Variants in CA12 observed in about 807,000 individuals in gnomAD.
CA12 encodes carbonate dehydratase XII.
In CA12, 36 loss-of-function variants were observed where a neutral mutation model predicts 46.8. The ratio of observed to expected loss-of-function variants is 0.77; its 90% CI spans 0.59 to 1.02. CA12 has a LOEUF of 1.02. CA12 is among the 50% of genes least tolerant of loss of function. The probability of loss-of-function intolerance (pLI) is 0.00; values close to 1 mark genes in which losing one functional copy is unlikely to be tolerated. For missense variants in CA12, 436 were observed against 451.4 expected, an observed-to-expected ratio of 0.97 and a Z score of 0.31; for synonymous variants, 202 against 187.0, an observed-to-expected ratio of 1.08 and a Z score of -0.65.
In CA12 at chr15:63,326,311, T is replaced by C. The variant is rs1376214729; in HGVS notation, c.1039A>G (p.Lys347Glu). ...CAAGCGTGGGCCTCAGTCTCCATCTTGGTGGCTGGCTTGTAAATGACTCCC... is the reference window on the plus strand; with the variant it reads ...CAAGCGTGGGCCTCAGTCTCCATCTCGGTGGCTGGCTTGTAAATGACTCCC... ...NKGVIYKPATKMETEAHA is the reference protein window; with the variant it reads ...NKGVIYKPATEMETEAHA The change falls in exon 11 of 11, where the codon AAG becomes GAG. Residue 347 changes from lysine to glutamate, a missense_variant. Physicochemically the swap from Lys to Glu is moderately conservative, Grantham distance 56. Transcript: ENST00000178638. The C allele has an allele frequency of 6.2e-7, 1 of 1,614,128 alleles. No individual in the cohort carries two copies. Among genetic ancestry groups the C allele is most frequent in the Non-Finnish European group, 8.5e-7 (1 of 1,179,980 alleles).
chr15:63,348,897 G>A lies in CA12; in HGVS notation c.107-2188C>T, dbSNP rs982419830. ...AGAGGGCTTGGGAAAATGTGACTTG[G>A]GGAATGTTTCCTTTTTCTCTTGCTC... On this transcript the variant is annotated intron_variant, in intron 2 of 10. Coordinates refer to ENST00000178638, the MANE Select transcript of CA12 (RefSeq NM_001218.5). The surrounding 1 kb of genome is among the most constrained non-coding windows in gnomAD (Gnocchi z 4.6). Among the ~76,000 whole-genome samples, 6 of 152,208 alleles carry A rather than the reference G, an allele frequency of 3.9e-5. No individual in the cohort carries two copies. Among genetic ancestry groups the A allele is most frequent in the African/African-American group, 1.4e-4 (6 of 41,446 alleles).
At position 63,326,071 on chromosome 15, in the gene CA12, G is replaced by A; in HGVS notation, c.*214C>T. The stretch of plus-strand genomic sequence containing the variant: ...AAGCAGCTTTGAATTCCTGCTGCTT[G>A]GTCTGAGAGTGCATCCCATCCATCG... On this transcript the variant is annotated 3_prime_UTR_variant, in exon 11 of 11. Coordinates refer to ENST00000178638, the MANE Select transcript of CA12 (RefSeq NM_001218.5). 1 of 578,298 alleles carries A rather than the reference G, an allele frequency of 1.7e-6. No homozygotes were observed. The highest frequency in any genetic ancestry group is 3.1e-6 in the Non-Finnish European group (1 of 320,034). The allele number at this position is 578,298 out of a possible 1,614,324, so 35.8% of individuals were successfully genotyped here.
rs1424857841 is a variant in CA12 at position 63,345,558 on chromosome 15, C to T, written c.348G>A (p.Thr116=). The T allele has an allele frequency of 6.8e-6, 11 of 1,613,348 alleles. No homozygotes were observed. Among genetic ancestry groups the T allele is most frequent in the African/African-American group, 2.7e-5 (2 of 74,948 alleles). ...GGTTCCCCCAGTGCAGGTGCAGCTGCGTGGCACTGTAGCGAGACTGGAGGC... is the reference window on the plus strand; with the variant it reads ...GGTTCCCCCAGTGCAGGTGCAGCTGTGTGGCACTGTAGCGAGACTGGAGGC... ...IQGLQSRYSA[T]QLHLHWGNPN... The change falls in exon 4 of 11, where the codon ACG becomes ACA. Residue 116 remains threonine (T), a synonymous_variant. Coordinates refer to ENST00000178638, the MANE Select transcript of CA12 (RefSeq NM_001218.5). The surrounding 1 kb of genome is among the most constrained non-coding windows in gnomAD (Gnocchi z 4.3).
intron 2 of CA12, among the ~76,000 whole-genome samples, chr15:63,352,445 A>G (rs2039244817): frequency 1.3e-5 from 2 of 152,248 alleles, no homozygotes; most frequent in African/African-American, 4.8e-5. Context: ...GACAGAAGAA[A>G]GAGGGGCTCA....
At position 63,381,796 on chromosome 15, in the gene CA12, C is replaced by T. The variant is rs955070341; in HGVS notation, c.-76G>A. 5.0e-6 allele frequency: 5 copies of T among 992,656 alleles called. No homozygotes were observed. Among genetic ancestry groups the T allele is most frequent in the Non-Finnish European group, 6.9e-6 (5 of 720,752 alleles). The allele number at this position is 992,656 out of a possible 1,614,324, so 61.5% of individuals were successfully genotyped here. A position where few individuals can be genotyped will look rare whatever the true frequency, so the allele number is the denominator to read the frequency against. On this transcript the variant is annotated 5_prime_UTR_variant, in exon 1 of 11. Coordinates refer to ENST00000178638, the MANE Select transcript of CA12 (RefSeq NM_001218.5). Reference sequence around the variant, plus strand: ...GGCCGCTCGCTCTCCAGCTGCACACCGGGACCGCGTGCGCGCAGCCTGGGT... The same window carrying T: ...GGCCGCTCGCTCTCCAGCTGCACACTGGGACCGCGTGCGCGCAGCCTGGGT...
chr15:63,336,865 C>A (rs2039011292), intron 8 of CA12, among the ~76,000 whole-genome samples: 1 of 152,150 alleles, frequency 6.6e-6, no homozygotes, highest in African/African-American at 2.4e-5. Flanking sequence ...ACAGAGCCGG[C>A]AATGGGGTCC....
intron 8 of CA12, among the ~76,000 whole-genome samples, chr15:63,335,105 A>G (rs35341572): frequency 0.12 from 18,965 of 152,202 alleles, 1,635 homozygotes; most frequent in East Asian, 0.45. Flanking sequence ...AGAGTTGGCA[A>G]TGTCTGGAAA....
intron 2 of CA12, among the ~76,000 whole-genome samples, chr15:63,356,565 C>T (rs1274081624): frequency 8.9e-6 from 1 of 112,322 alleles, no homozygotes; most frequent in Non-Finnish European, 1.8e-5. Flanking sequence ...GCTCTGTTGC[C>T]CAAGCTGGAA....
intron 1 of CA12, among the ~76,000 whole-genome samples, chr15:63,376,614 C>A (rs1483080700): frequency 1.4e-5 from 2 of 145,664 alleles, no homozygotes; most frequent in Non-Finnish European, 3.0e-5. Context: ...CTCTCTCTCG[C>A]TCTCTCTCTT....
intron 8 of CA12, among the ~76,000 whole-genome samples, chr15:63,337,058 T>A (rs935748772): frequency 2.0e-5 from 3 of 152,238 alleles, no homozygotes; most frequent in African/African-American, 7.2e-5. Flanking sequence ...TTCCATGCAC[T>A]CAGTTCATTT....
At chr15:63,365,893 C>A (rs1421957272) in intron 2 of CA12, among the ~76,000 whole-genome samples, 1 of 152,152 alleles carries the variant, frequency 6.6e-6, no homozygotes, top group African/African-American at 2.4e-5. Context: ...AATCTCAGCA[C>A]TTTGGGAGGG....
Position 63,340,437 on chromosome 15 carries a change from C to T in CA12, c.598G>A (p.Ala200Thr), listed in dbSNP as rs1354521569. 6.2e-7 allele frequency: 1 copy of T among 1,614,150 alleles called. No individual in the cohort carries two copies. The highest frequency in any genetic ancestry group is 8.5e-7 in the Non-Finnish European group (1 of 1,180,002). The change falls in exon 7 of 11, where the codon GCA becomes ACA. Residue 200 changes from alanine to threonine, a missense_variant. By Grantham distance (58) the Ala-to-Thr change is moderately conservative. Transcript: ENST00000178638. The surrounding 1 kb of genome is among the most constrained non-coding windows in gnomAD (Gnocchi z 4.4). The part of the protein sequence containing the change: ...LQHVKYKGQE[A>T]FVPGFNIEEL... ...TCAATGTTGAATCCCGGGACGAATG[C>T]TTCCTGGCCTAGAGAGACATGTTGC...
rs1273686995 is a variant in CA12 at position 63,325,376 on chromosome 15, T to C, written c.*909A>G. On this transcript the variant is annotated 3_prime_UTR_variant, in exon 11 of 11. Transcript: ENST00000178638. This position sits in a 1 kb window ranked among gnomAD's most constrained non-coding sequence, Gnocchi z 4.9. The stretch of plus-strand genomic sequence containing the variant: ...TCCTCCAGGACACAGCAACAACACA[T>C]TTTCAAGGAACAGCCTCATTATTTG... 6.6e-6 allele frequency: 1 copy of C among 152,210 alleles called. No individual in the cohort carries two copies. Among genetic ancestry groups the C allele is most frequent in the Non-Finnish European group, 1.5e-5 (1 of 68,034 alleles). The allele number at this position is 152,210 out of a possible 1,614,324, so 9.4% of individuals were successfully genotyped here.
intron 1 of CA12, among the ~76,000 whole-genome samples, 178 bp downstream of exon 1, chr15:63,381,458 C>T (rs1324434884): frequency 6.6e-6 from 1 of 152,262 alleles, no homozygotes; most frequent in African/African-American, 2.4e-5. Flanking sequence ...AAGCAACGTG[C>T]TTCCCGACCC....
chr15:63,332,128 T>C (rs2038945256), intron 8 of CA12, among the ~76,000 whole-genome samples: 2 of 152,282 alleles, frequency 1.3e-5, no homozygotes, highest in South Asian at 4.1e-4. Flanking sequence ...CAAAATCTGT[T>C]AGGAAGGTAA....
rs905955148 is a variant in CA12, at chr15:63,321,805, C to G, written c.*4480G>C. The stretch of plus-strand genomic sequence containing the variant: ...GCCTGCCACCCGAGCGCCATTCACT[C>G]CCGACCGCGGGGACCTGGGGCACAG... On this transcript the variant is annotated 3_prime_UTR_variant, in exon 11 of 11. Transcript: ENST00000178638. The surrounding 1 kb of genome is among the most constrained non-coding windows in gnomAD (Gnocchi z 4.5). 1 of 152,362 alleles carries G rather than the reference C, an allele frequency of 6.6e-6. No homozygotes were observed. Among genetic ancestry groups the G allele is most frequent in the African/African-American group, 2.4e-5 (1 of 41,466 alleles). The allele number at this position is 152,362 out of a possible 1,614,324, so 9.4% of individuals were successfully genotyped here. A position where few individuals can be genotyped will look rare whatever the true frequency, so the allele number is the denominator to read the frequency against.
intron 4 of CA12, among the ~76,000 whole-genome samples, chr15:63,344,411 T>C (rs2039119294): frequency 6.6e-6 from 1 of 152,258 alleles, no homozygotes; most frequent in Admixed American, 6.5e-5. Context: ...TCTAAATGGA[T>C]TGAGTCTCAG....
chr15:63,376,598 CTT>C (rs775476332), intron 1 of CA12, among the ~76,000 whole-genome samples: 56 of 87,316 alleles, frequency 6.4e-4, no homozygotes, highest in Middle Eastern at 5.3e-3. Context: ...TTCTTTCTTT[CTT>C]TCTCTCTCTC....
Position 63,328,225 on chromosome 15 carries a change from C to G in CA12, c.875-95G>C. ...AGAGACGCTCTACCATTTGTTTGGT[C>G]TTAGGCTGACAGACCTCTAGGGATG... On this transcript the variant is annotated intron_variant, in intron 8 of 10. Transcript: ENST00000178638. The surrounding 1 kb of genome is among the most constrained non-coding windows in gnomAD (Gnocchi z 5.9). 2 of 1,159,552 alleles carry G rather than the reference C, an allele frequency of 1.7e-6. No homozygotes were observed. Among genetic ancestry groups the G allele is most frequent in the South Asian group, 2.5e-5 (2 of 79,730 alleles). 71.8% of individuals were successfully genotyped at this position (1,159,552 alleles called of 1,614,324 possible).
Sources: gnomAD v4.1 joint callset for allele counts (sites outside exome capture counted in the v4.1 genomes callset) on GRCh38, gnomAD v4.1.1 for gene constraint, Gnocchi (gnomAD v3.1) non-coding constraint, MANE v1.5 for transcripts, NCBI Gene and HGNC (gene_info 2026-07-23, HGNC 2026-07-21) for gene names.